Variants in ELAPOR2 observed in about 807,000 individuals in gnomAD.
ELAPOR2 encodes endosome-lysosome associated apoptosis and autophagy regulator family member 2, also known as endosome/lysosome-associated apoptosis and autophagy regulator family member 2.
Under a neutral mutation model 120.7 loss-of-function variants are expected in ELAPOR2, and 89 were observed. The ratio of observed to expected loss-of-function variants is 0.74; its 90% confidence interval spans 0.62 to 0.88. The LOEUF (loss-of-function observed/expected upper bound fraction) is 0.88. ELAPOR2 is among the 40% of genes least tolerant of loss of function. ELAPOR2 has a pLI of 0.00. For missense variants in ELAPOR2, 1,134 were observed against 1,251.6 expected (o/e 0.91, Z 1.42); for synonymous variants, 444 against 444.9 (o/e 1.00, Z 0.03).
At chr7:86,895,173 G>A (rs944219558) in intron 19 of ELAPOR2, among the ~76,000 whole-genome samples, 3 of 151,964 alleles carry the variant, frequency 2.0e-5, no homozygotes, top group East Asian at 1.9e-4. Context: ...CTTCTATCAC[G>A]AAGCTTTGGT....
chr7:87,018,551 G>T (rs1349859579), intron 1 of ELAPOR2, among the ~76,000 whole-genome samples: 2 of 152,144 alleles, frequency 1.3e-5, no homozygotes, highest in African/African-American at 2.4e-5. Flanking sequence ...AAATGAACAG[G>T]TTCAATTTCC....
At chr7:87,045,673 G>T (rs956035694) in intron 1 of ELAPOR2, among the ~76,000 whole-genome samples, 2 of 151,612 alleles carry the variant, frequency 1.3e-5, no homozygotes, top group African/African-American at 4.9e-5. Flanking sequence ...ACGAGTTAGT[G>T]GGTGCAGCGC....
At chr7:86,927,212 T>C (rs1050297052) in intron 8 of ELAPOR2, among the ~76,000 whole-genome samples, 5 of 151,980 alleles carry the variant, frequency 3.3e-5, no homozygotes, top group Non-Finnish European at 7.4e-5. Context: ...CCCTTACTCT[T>C]CTATCCATTC....
chr7:86,905,066 AGAGAGAAG>A (rs1788910110), intron 18 of ELAPOR2, among the ~76,000 whole-genome samples: 1 of 123,028 alleles, frequency 8.1e-6, no homozygotes, highest in Non-Finnish European at 1.7e-5. Context: ...AAAGACAGAG[AGAGAGAAG>A]GAAGGAAGGA....
chr7:86,905,331 C>T (rs560651314), intron 18 of ELAPOR2, among the ~76,000 whole-genome samples: 1 of 147,230 alleles, frequency 6.8e-6, no homozygotes, highest in Non-Finnish European at 1.5e-5. Flanking sequence ...TAAAAAAAAA[C>T]CAAAACAAAC....
At chr7:86,945,415 A>C (rs1479451225) in intron 3 of ELAPOR2, among the ~76,000 whole-genome samples, 1 of 152,226 alleles carries the variant, frequency 6.6e-6, no homozygotes, top group African/African-American at 2.4e-5. Flanking sequence ...GGGGAGAAAG[A>C]GCACCATTAA....
Position 86,940,071 on chromosome 7 carries a change from T to C in ELAPOR2, c.786A>G (p.Thr262=), listed in dbSNP as rs1790741159. Residue 262 remains threonine (T), a synonymous_variant, in exon 6 of 22, where the codon ACA becomes ACG. Coordinates refer to ENST00000450689, the MANE Select transcript of ELAPOR2 (RefSeq NM_001142749.3). ...SGTNILYWRT[T]GILMGSKAVK... is the part of the protein sequence containing the mutation. ...CCGCCTTAGAACCCATAAGGATGCC[T>C]GTAGTTCTCCAGTAGAGTATGTTTG... 2 of 1,612,416 alleles carry C rather than the reference T, an allele frequency of 1.2e-6. No homozygotes were observed. Among genetic ancestry groups the C allele is most frequent in the Admixed American group, 3.3e-5 (2 of 59,906 alleles).
intron 1 of ELAPOR2, 102 bp from the exon 2 acceptor site, chr7:86,965,126 T>G (rs1340643647): frequency 8.3e-7 from 1 of 1,206,142 alleles, no homozygotes; most frequent in Non-Finnish European, 1.2e-6. Context: ...CTGTACCCTC[T>G]CCTTGATTCT....
At chr7:86,975,056 A>T (rs529511443) in intron 1 of ELAPOR2, among the ~76,000 whole-genome samples, 1 of 152,330 alleles carries the variant, frequency 6.6e-6, no homozygotes, top group East Asian at 1.9e-4. Context: ...TGGATAAAGA[A>T]AAGTGGGAAT....
chr7:86,915,475 G>A (rs1442482005), intron 12 of ELAPOR2, among the ~76,000 whole-genome samples: 1 of 151,754 alleles, frequency 6.6e-6, no homozygotes, highest in Non-Finnish European at 1.5e-5. Flanking sequence ...CTAAATTCAA[G>A]ATAATATTAA....
chr7:87,022,054 ATAAAC>A (rs1399688002), intron 1 of ELAPOR2, among the ~76,000 whole-genome samples: 3 of 152,132 alleles, frequency 2.0e-5, no homozygotes, highest in Admixed American at 6.6e-5. Flanking sequence ...AGGTTAGTGA[ATAAAC>A]TAAACTAAAA....
At chr7:86,967,931 T>C (rs1019094874) in intron 1 of ELAPOR2, among the ~76,000 whole-genome samples, 8 of 152,178 alleles carry the variant, frequency 5.3e-5, no homozygotes, top group Admixed American at 5.2e-4. Context: ...GGGCAGACCT[T>C]GGGGTCAGGG....
intron 8 of ELAPOR2, 40 bp from the exon 9 acceptor site, chr7:86,926,956 T>C: frequency 7.1e-7 from 1 of 1,409,882 alleles, no homozygotes; most frequent in Non-Finnish European, 9.2e-7. Flanking sequence ...CCAAGTCATA[T>C]AACATGCTTA....
At chr7:87,017,065 A>G (rs1024182544) in intron 1 of ELAPOR2, among the ~76,000 whole-genome samples, 2 of 152,194 alleles carry the variant, frequency 1.3e-5, no homozygotes, top group Non-Finnish European at 2.9e-5. Context: ...AAAAAGAAAA[A>G]AAGATAAATG....
At position 87,049,763 on chromosome 7, in the gene ELAPOR2, G is replaced by A. The variant is rs1329089722; in HGVS notation, c.189+9562C>T. Among the ~76,000 whole-genome samples the A allele has an allele frequency of 2.6e-5, 4 of 152,184 alleles. No individual in the cohort carries two copies. In the East Asian group the frequency reaches 5.8e-4, roughly 22 times the overall value. The stretch of plus-strand genomic sequence containing the variant: ...CATTCTAGGAAGAACAAGTAGACTG[G>A]GACTGGCTGATGCAAAATGAAAAAT... On this transcript the variant is annotated intron_variant, in intron 1 of 21. Coordinates refer to ENST00000450689, the MANE Select transcript of ELAPOR2 (RefSeq NM_001142749.3).
intron 1 of ELAPOR2, among the ~76,000 whole-genome samples, chr7:86,999,599 C>T (rs1793243099): frequency 6.6e-6 from 1 of 152,130 alleles, no homozygotes; most frequent in African/African-American, 2.4e-5. Context: ...TATGCAACAG[C>T]TTCTGGAGGC....
chr7:86,993,764 C>G (rs1393471253), intron 1 of ELAPOR2, among the ~76,000 whole-genome samples: 1 of 152,196 alleles, frequency 6.6e-6, no homozygotes, highest in African/African-American at 2.4e-5. Flanking sequence ...CAAAATCCAA[C>G]TTGTACACAA....
intron 1 of ELAPOR2, among the ~76,000 whole-genome samples, chr7:87,031,109 G>C (rs10236068): frequency 0.21 from 31,962 of 152,024 alleles, 3,560 homozygotes; most frequent in African/African-American, 0.25. Flanking sequence ...ACAACATGTG[G>C]GAATTATGGG....
intron 1 of ELAPOR2, among the ~76,000 whole-genome samples, chr7:87,047,215 CT>C (rs1258575571): frequency 6.6e-6 from 1 of 152,180 alleles, no homozygotes; most frequent in Non-Finnish European, 1.5e-5. Context: ...AAATCGAAGA[CT>C]TCAAACTAAG....
Sources: allele counts gnomAD v4.1 joint callset (sites outside exome capture counted in the v4.1 genomes callset), GRCh38; gene constraint gnomAD v4.1.1; transcripts MANE v1.5; gene names NCBI Gene and HGNC (gene_info 2026-07-23, HGNC 2026-07-21).